The following USF3 variants were observed in gnomAD, a reference collection of about 807,000 sequenced individuals.
USF3 encodes the protein basic helix-loop-helix domain-containing protein USF3.
USF3 carries 29 observed loss-of-function variants against 157.5 expected under a neutral mutation model. That is an observed-to-expected ratio of 0.18 (90% confidence interval 0.14 to 0.25). USF3 has a LOEUF of 0.25. Among genes scored for constraint, USF3 ranks in the 10% least tolerant of loss-of-function variants. The pLI is 1.00. For synonymous variants in USF3, 893 were observed against 941.4 expected, an observed-to-expected ratio of 0.95 and a Z score of 0.94; for missense variants, 2,381 against 2,667.6, an observed-to-expected ratio of 0.89 and a Z score of 2.37.
In USF3 at chr3:113,659,771, T is replaced by C; in HGVS notation, c.1911A>G (p.Leu637=). The stretch of plus-strand genomic sequence containing the variant: ...ACGCTGATAAAGATGAAGGTCTTGG[T>C]AATATGTGGACAAGATGCTTTCCTC... ...TFGGKHLVHI[L]PRPSSLSASN... is the part of the protein sequence containing the mutation. Residue 637 remains leucine (L), a synonymous_variant, in exon 7 of 7, where the codon TTA becomes TTG. Transcript: ENST00000316407. 1 of 1,614,250 alleles carries C rather than the reference T, an allele frequency of 6.2e-7. No homozygotes were observed. The highest frequency in any genetic ancestry group is 8.5e-7 in the Non-Finnish European group (1 of 1,180,040).
At chr3:113,667,294 G>A (rs1422698919) in intron 5 of USF3, among the ~76,000 whole-genome samples, 1 of 152,246 alleles carries the variant, frequency 6.6e-6, no homozygotes, top group Middle Eastern at 3.2e-3. Flanking sequence ...GCCAAAGCCT[G>A]TGAAGAAAAT....
At chr3:113,667,857 A>G (rs977298152) in intron 5 of USF3, among the ~76,000 whole-genome samples, 8 of 149,114 alleles carry the variant, frequency 5.4e-5, no homozygotes, top group African/African-American at 1.5e-4. Context: ...ACAGAGTGAG[A>G]CTGTCTCAAA....
In USF3 at chr3:113,658,738, G is replaced by A. The variant is rs1947417603; in HGVS notation, c.2944C>T (p.Pro982Ser). Reference protein sequence around the residue: ...CVSEVEIIAEPCRVEQDSSDT... With the variant: ...CVSEVEIIAESCRVEQDSSDT... ...GATGAATCTTGCTCAACTCTGCAAG[G>A]TTCAGCAATGATTTCTACCTCAGAA... Residue 982 changes from proline (P) to serine (S), a missense_variant, in exon 7 of 7, where the codon CCT becomes TCT. Physicochemically the swap from Pro to Ser is moderately conservative, Grantham distance 74. Around this residue, in one of 6 missense-constraint regions of USF3, gnomAD observed 1,435 missense variants for 1,550.9 expected, o/e 0.93. Coordinates refer to ENST00000316407, the MANE Select transcript of USF3 (RefSeq NM_001009899.4). The A allele has an allele frequency of 6.2e-7, 1 of 1,613,992 alleles. No homozygotes were observed. The highest frequency in any genetic ancestry group is 1.1e-5 in the South Asian group (1 of 91,082).
chr3:113,657,068 T>C lies in USF3; in HGVS notation c.4614A>G (p.Leu1538=). 2 of 1,614,118 alleles carry C rather than the reference T, an allele frequency of 1.2e-6. No individual in the cohort carries two copies. Among genetic ancestry groups the C allele is most frequent in the South Asian group, 2.2e-5 (2 of 91,074 alleles). ...VQGTQTSQLS[L]QPKHHGTDQS... is the part of the protein sequence containing the mutation. ...GGTCAGTTCCATGGTGCTTTGGTTG[T>C]AAGGAAAGCTGAGAGGTCTGGGTGC... Residue 1538 remains leucine (L), a synonymous_variant, in exon 7 of 7, where the codon TTA becomes TTG. Transcript: ENST00000316407.
chr3:113,677,250 A>G (rs1577045609), intron 2 of USF3, 32 bp downstream of exon 2: 1 of 152,216 alleles, frequency 6.6e-6, no homozygotes, highest in East Asian at 1.9e-4. Context: ...GTAATTAAAT[A>G]AGTAAATGAA....
Position 113,656,447 on chromosome 3 carries a change from C to G in USF3, c.5235G>C (p.Gln1745His). 6.2e-7 allele frequency: 1 copy of G among 1,614,166 alleles called. No homozygotes were observed. Among genetic ancestry groups the G allele is most frequent in the East Asian group, 2.2e-5 (1 of 44,880 alleles). ...ATTGTACTTCAAAATTACTCTGGGG[C>G]TGTTGACTAGCTCCACTTGGTTTAA... ...QTFKPSGASQ[Q>H]PQSNFEVQSS... The change falls in exon 7 of 7, where the codon CAG becomes CAC. Residue 1745 changes from glutamine to histidine, a missense_variant. Gln to His is a conservative substitution (Grantham distance 24, BLOSUM62 0). Coordinates refer to ENST00000316407, the MANE Select transcript of USF3 (RefSeq NM_001009899.4).
chr3:113,652,559 C>T lies in USF3; in HGVS notation c.*2385G>A, dbSNP rs1009323617. 6.6e-6 allele frequency: 1 copy of T among 151,494 alleles called. No individual in the cohort carries two copies. The highest frequency in any genetic ancestry group is 2.4e-5 in the African/African-American group (1 of 41,142). 9.4% of individuals were successfully genotyped at this position (151,494 alleles called of 1,614,324 possible). A position where few individuals can be genotyped will look rare whatever the true frequency, so the allele number is the denominator to read the frequency against. ...AAGAGACAGGACAGTTTGGTAAGAA[C>T]AGTTAAAGAGGCACAAATGACCCTT... On this transcript the variant is annotated 3_prime_UTR_variant, in exon 7 of 7. Transcript: ENST00000316407.
rs1307472977 is a variant in USF3 at position 113,653,072 on chromosome 3, G to GA, written c.*1871dup. On this transcript the variant is annotated 3_prime_UTR_variant, in exon 7 of 7. Coordinates refer to ENST00000316407, the MANE Select transcript of USF3 (RefSeq NM_001009899.4). ...GAGTCTCAAAAAAAAAAGAAAAGAA[G>GA]AAAGAAAAGAAAAGCTGGTCCTTGA... 2.7e-5 allele frequency: 8 copies of GA among 292,222 alleles called. No individual in the cohort carries two copies. Among genetic ancestry groups the GA allele is most frequent in the African/African-American group, 4.5e-5 (2 of 44,008 alleles). The allele number at this position is 292,222 out of a possible 1,614,324, so 18.1% of individuals were successfully genotyped here.
chr3:113,670,490 T>G (rs902163091), intron 4 of USF3, among the ~76,000 whole-genome samples: 1 of 151,970 alleles, frequency 6.6e-6, no homozygotes, highest in Non-Finnish European at 1.5e-5. Flanking sequence ...TCCCAGCTAC[T>G]TGGGAGGCTG....
chr3:113,664,666 TAC>T (rs139337656), intron 5 of USF3, among the ~76,000 whole-genome samples: 1 of 151,368 alleles, frequency 6.6e-6, no homozygotes, highest in Non-Finnish European at 1.5e-5. Flanking sequence ...CCTTGAAGAA[TAC>T]ACACACACAC....
At chr3:113,693,484 T>C (rs1347007418) in intron 1 of USF3, among the ~76,000 whole-genome samples, 1 of 152,166 alleles carries the variant, frequency 6.6e-6, no homozygotes, top group African/African-American at 2.4e-5. Flanking sequence ...CGGATGTCTA[T>C]ACAGGAATTC....
rs1425065950 is a variant in USF3, at chr3:113,660,479, A to C, written c.1203T>G (p.Ser401=). The C allele has an allele frequency of 6.2e-7, 1 of 1,614,200 alleles. No individual in the cohort carries two copies. The highest frequency in any genetic ancestry group is 8.5e-7 in the Non-Finnish European group (1 of 1,180,038). The stretch of plus-strand genomic sequence containing the variant: ...TAACACTTGAAGAAGGCAAAGAACA[A>C]GAAAGAGTCCAACCATTGTCCAAAG... ...GNPLDNGWTL[S]CSLPSSSVST... The change falls in exon 7 of 7, where the codon TCT becomes TCG. Residue 401 remains serine, a synonymous_variant. Coordinates refer to ENST00000316407, the MANE Select transcript of USF3 (RefSeq NM_001009899.4).
chr3:113,674,760 T>C (rs1469293221), intron 3 of USF3, 72 bp downstream of exon 3: 7 of 1,194,282 alleles, frequency 5.9e-6, no homozygotes, highest in African/African-American at 1.5e-5. Flanking sequence ...GGACTACCTA[T>C]GTAGCAAAAT....
chr3:113,687,723 T>A (rs575967243), intron 1 of USF3, among the ~76,000 whole-genome samples: 2 of 152,290 alleles, frequency 1.3e-5, no homozygotes, highest in African/African-American at 4.8e-5. Context: ...AATAACCATA[T>A]AAATTGGTTC....
rs1947473039 is a variant in USF3, at chr3:113,660,916, G to A, written c.766C>T (p.Leu256=). The change falls in exon 7 of 7, where the codon CTG becomes TTG. Residue 256 remains leucine (L), a synonymous_variant. Coordinates refer to ENST00000316407, the MANE Select transcript of USF3 (RefSeq NM_001009899.4). The stretch of plus-strand genomic sequence containing the variant: ...TCAGATTCAATTGAAACAGCAATCA[G>A]TGAGCCACTAGTGGCACCAAGCACA... ...SNVLGATSGS[L]IAVSIESEPH... is the part of the protein sequence containing the mutation. 1 of 1,614,144 alleles carries A rather than the reference G, an allele frequency of 6.2e-7. No individual in the cohort carries two copies. The highest frequency in any genetic ancestry group is 1.1e-5 in the South Asian group (1 of 91,084).
chr3:113,655,338 G>C lies in USF3; in HGVS notation c.6344C>G (p.Ser2115Cys), dbSNP rs1947334843. The C allele has an allele frequency of 6.2e-7, 1 of 1,613,968 alleles. No homozygotes were observed. ...NTLPSFYPPY[S>C]PAHPTLSNDI... ...ATTGGACAGTGTAGGATGAGCAGGA[G>C]AGTATGGAGGATAGAAGGAGGGCAG... Residue 2115 changes from serine (S) to cysteine (C), a missense_variant, in exon 7 of 7, where the codon TCT (serine) becomes TGT (cysteine). Ser to Cys is a moderately radical substitution (Grantham distance 112). Coordinates refer to ENST00000316407, the MANE Select transcript of USF3 (RefSeq NM_001009899.4).
chr3:113,686,211 C>A (rs1707542414), intron 1 of USF3, among the ~76,000 whole-genome samples: 1 of 152,182 alleles, frequency 6.6e-6, no homozygotes, highest in African/African-American at 2.4e-5. Context: ...GGTCTAAATG[C>A]TCCCTCTGTG....
At chr3:113,674,296 C>T (rs1707227844) in intron 3 of USF3, among the ~76,000 whole-genome samples, 1 of 152,076 alleles carries the variant, frequency 6.6e-6, no homozygotes, top group Non-Finnish European at 1.5e-5. Context: ...ATATTAACTA[C>T]TGACAGTCAT....
In USF3 at chr3:113,663,700, C is replaced by T. The variant is rs115997063; in HGVS notation, c.256+613G>A. ...AAAAGACAATTTCAAACTGGCCTAC[C>T]CTGAGCTTTACGCTTGCCTGGAATA... is the stretch of plus-strand genomic sequence containing the variant. On this transcript the variant is annotated intron_variant, in intron 6 of 6. Transcript: ENST00000316407. 9.3e-3 allele frequency among the ~76,000 whole-genome samples: 1,409 copies of T among 152,240 alleles called. 13 individuals are homozygous for T. Among genetic ancestry groups the T allele is most frequent in the Non-Finnish European group, 0.014 (985 of 68,012 alleles).
Sources: gnomAD v4.1 joint callset for allele counts (sites outside exome capture counted in the v4.1 genomes callset) on GRCh38, gnomAD v4.1.1 for gene constraint, gnomAD v4.1.1 regional missense constraint, MANE v1.5 for transcripts, NCBI Gene and HGNC (gene_info 2026-07-23, HGNC 2026-07-21) for gene names.